GRIN2A: variants seen among roughly 807,000 people sequenced by gnomAD.
GRIN2A encodes the protein glutamate ionotropic receptor NMDA type subunit 2A, also known as glutamate receptor ionotropic, NMDA 2A.
A neutral mutation model predicts 113.4 loss-of-function variants in GRIN2A; 22 were observed. The ratio of observed to expected loss-of-function variants is 0.19; its 90% confidence interval spans 0.14 to 0.28. The LOEUF (loss-of-function observed/expected upper bound fraction) is 0.28, where lower values mean the gene tolerates loss of function less well. Among genes scored for constraint, GRIN2A ranks in the 10% least tolerant of loss-of-function variants. The pLI is 1.00. For missense variants in GRIN2A, 1,502 were observed against 1,887.0 expected, an observed-to-expected ratio of 0.80 and a Z score of 3.78; for synonymous variants, 827 against 738.4, an observed-to-expected ratio of 1.12 and a Z score of -1.94.
intron 2 of GRIN2A, among the ~76,000 whole-genome samples, chr16:9,951,696 G>A (rs145490708): frequency 6.2e-4 from 95 of 152,106 alleles, no homozygotes; most frequent in African/African-American, 2.1e-3. Context: ...TTTTTTCTCC[G>A]AAGTGACATA....
At chr16:9,792,840 C>G (rs552485941) in intron 11 of GRIN2A, among the ~76,000 whole-genome samples, 15 of 152,290 alleles carry the variant, frequency 9.8e-5, no homozygotes, top group African/African-American at 3.1e-4. Context: ...CGCCTGCAAA[C>G]CAGGTTTCTC....
At chr16:9,767,378 T>C (rs1900980810) in intron 12 of GRIN2A, among the ~76,000 whole-genome samples, 2 of 152,174 alleles carry the variant, frequency 1.3e-5, no homozygotes, top group South Asian at 2.1e-4. Context: ...CAGTAAACAA[T>C]AGCATATAAA....
At chr16:10,128,706 A>T (rs1480671009) in intron 2 of GRIN2A, among the ~76,000 whole-genome samples, 5 of 152,352 alleles carry the variant, frequency 3.3e-5, no homozygotes, top group Middle Eastern at 3.4e-3. Flanking sequence ...TTACATGCTA[A>T]ATGTCTCTAT....
chr16:9,911,804 G>C (rs550874323), intron 3 of GRIN2A, among the ~76,000 whole-genome samples: 1 of 152,122 alleles, frequency 6.6e-6, no homozygotes, highest in Admixed American at 6.5e-5. Flanking sequence ...GAGTATAAAG[G>C]TTGAGTGAAC....
intron 10 of GRIN2A, among the ~76,000 whole-genome samples, chr16:9,811,906 T>A (rs1473779262): frequency 2.6e-5 from 4 of 152,224 alleles, no homozygotes; most frequent in African/African-American, 7.2e-5. Flanking sequence ...AGAAATTCAT[T>A]TCCTCCACGC....
chr16:9,912,115 G>A (rs1279723216), intron 3 of GRIN2A, among the ~76,000 whole-genome samples: 2 of 152,116 alleles, frequency 1.3e-5, no homozygotes, highest in Admixed American at 6.5e-5. Context: ...TGATGGTGAT[G>A]ATGGTGGTGA....
intron 2 of GRIN2A, among the ~76,000 whole-genome samples, chr16:10,001,737 G>T (rs1302704261): frequency 6.6e-6 from 1 of 152,130 alleles, no homozygotes; most frequent in African/African-American, 2.4e-5. Context: ...TGAGTCACAT[G>T]GCCTGCTTTT....
chr16:10,041,580 G>C (rs189642195), intron 2 of GRIN2A, among the ~76,000 whole-genome samples: 1 of 152,216 alleles, frequency 6.6e-6, no homozygotes, highest in South Asian at 2.1e-4. Context: ...ATGGTCTCAC[G>C]GGGTCATTTA....
chr16:9,927,553 C>T lies in GRIN2A; in HGVS notation c.1007+10406G>A, dbSNP rs191919715. On this transcript the variant is annotated intron_variant, in intron 3 of 12. Coordinates refer to ENST00000330684, the MANE Select transcript of GRIN2A (RefSeq NM_001134407.3). ...CAAACTTCTTCTGGAATTTTTGTTACGGGAACTAATTCAATCACATAACTT... is the reference window on the plus strand; with the variant it reads ...CAAACTTCTTCTGGAATTTTTGTTATGGGAACTAATTCAATCACATAACTT... Among the ~76,000 whole-genome samples the T allele has an allele frequency of 2.1e-4, 32 of 152,252 alleles. 1 individual carries two copies. The highest frequency in any genetic ancestry group is 1.2e-3 in the East Asian group (6 of 5,186).
intron 4 of GRIN2A, among the ~76,000 whole-genome samples, chr16:9,858,387 A>C (rs749711925): frequency 1.3e-5 from 2 of 152,148 alleles, no homozygotes; most frequent in Non-Finnish European, 2.9e-5. Flanking sequence ...TTTTATCTCT[A>C]TTATGAATTT....
intron 4 of GRIN2A, among the ~76,000 whole-genome samples, chr16:9,860,644 T>A (rs933809914): frequency 1.1e-4 from 17 of 152,066 alleles, no homozygotes; most frequent in African/African-American, 4.1e-4. Flanking sequence ...AGATAGAGTT[T>A]GTAGCTAGAA....
intron 2 of GRIN2A, among the ~76,000 whole-genome samples, chr16:10,007,898 C>T (rs1356749404): frequency 6.6e-6 from 1 of 152,112 alleles, no homozygotes; most frequent in African/African-American, 2.4e-5. Context: ...GCAGGAAGGA[C>T]AGTCTTATTT....
chr16:9,777,580 G>A (rs1408979563), intron 11 of GRIN2A, among the ~76,000 whole-genome samples: 1 of 152,240 alleles, frequency 6.6e-6, no homozygotes, highest in Non-Finnish European at 1.5e-5. Context: ...TAGAGGCAGG[G>A]ACAGGCTGTC....
At chr16:9,897,227 A>AT (rs1432458141) in intron 3 of GRIN2A, among the ~76,000 whole-genome samples, 1 of 150,916 alleles carries the variant, frequency 6.6e-6, no homozygotes, top group Admixed American at 6.6e-5. Context: ...ATATAAAAAA[A>AT]TACATAAAAT....
At chr16:9,819,706 G>A (rs1225784460) in intron 10 of GRIN2A, among the ~76,000 whole-genome samples, 3 of 151,760 alleles carry the variant, frequency 2.0e-5, no homozygotes, top group Non-Finnish European at 4.4e-5. Context: ...GCTCATGACT[G>A]TAATCCCAGC....
At chr16:10,039,835 G>GAGAGAGAGAGAGAGAGAGAGAGAGA (rs1399410843) in intron 2 of GRIN2A, among the ~76,000 whole-genome samples, 13 of 137,874 alleles carry the variant, frequency 9.4e-5, no homozygotes, top group East Asian at 2.3e-4. Flanking sequence ...GAGAGAGAGA[G>GAGAGAGAGAGAGAGAGAGAGAGAGA]GAGTCCTGGT....
chr16:9,803,211 C>T (rs2041899983), intron 10 of GRIN2A, among the ~76,000 whole-genome samples: 1 of 152,098 alleles, frequency 6.6e-6, no homozygotes, highest in Non-Finnish European at 1.5e-5. Context: ...TTGAGACCAG[C>T]TTGACCAACA....
At chr16:9,889,873 T>C (rs1403190744) in intron 4 of GRIN2A, among the ~76,000 whole-genome samples, 1 of 152,242 alleles carries the variant, frequency 6.6e-6, no homozygotes, top group East Asian at 1.9e-4. Flanking sequence ...TGCTCCAGAA[T>C]GTAGTCTACT....
chr16:10,114,662 A>G (rs933672957), intron 2 of GRIN2A, among the ~76,000 whole-genome samples: 5 of 152,212 alleles, frequency 3.3e-5, no homozygotes, highest in African/African-American at 1.2e-4. Context: ...AAGGTTATGA[A>G]CCCACTGATT....
Sources: gnomAD v4.1 joint callset for allele counts (sites outside exome capture counted in the v4.1 genomes callset) on GRCh38, gnomAD v4.1.1 for gene constraint, MANE v1.5 for transcripts, NCBI Gene and HGNC (gene_info 2026-07-23, HGNC 2026-07-21) for gene names.